The following AURKA variants were observed in gnomAD, a reference collection of about 807,000 sequenced individuals.
The protein encoded by AURKA is aurora kinase A, also known as aurora 2.
In AURKA, 12 loss-of-function variants were observed where a neutral mutation model predicts 40.9. The observed-to-expected ratio is 0.29, with a 90% CI of 0.19 to 0.48. The LOEUF is 0.48. Ranked by LOEUF, AURKA falls within the 20% of genes least tolerant of loss-of-function variation. The pLI, the probability that AURKA is intolerant of heterozygous loss-of-function variation, is 0.99. For missense variants in AURKA, 322 were observed against 462.1 expected, an observed-to-expected ratio of 0.70 and a Z score of 2.78; for synonymous variants, 170 against 164.3, an observed-to-expected ratio of 1.03 and a Z score of -0.26.
intron 7 of AURKA, among the ~76,000 whole-genome samples, chr20:56,372,549 AAAAAAG>A (rs1158421676): frequency 6.6e-6 from 1 of 151,994 alleles, no homozygotes; most frequent in Admixed American, 6.5e-5. Flanking sequence ...AAAAAAAAAA[AAAAAAG>A]ACTGCAATAG....
intron 6 of AURKA, among the ~76,000 whole-genome samples, chr20:56,378,655 T>G (rs1985274481): frequency 6.6e-6 from 1 of 152,114 alleles, no homozygotes; most frequent in African/African-American, 2.4e-5. Context: ...ACGAATAAAC[T>G]GAGGTACTTC....
At chr20:56,374,016 T>TACAC (rs11467339) in intron 6 of AURKA, among the ~76,000 whole-genome samples, 2,596 of 147,590 alleles carry the variant, frequency 0.018, 72 homozygotes, top group Admixed American at 0.074. Flanking sequence ...TATAGGAGTC[T>TACAC]ACACACACAC....
At chr20:56,372,171 G>C (rs1297493242) in intron 7 of AURKA, among the ~76,000 whole-genome samples, 1 of 148,190 alleles carries the variant, frequency 6.7e-6, no homozygotes, top group African/African-American at 2.7e-5. Context: ...CACAGCCCTG[G>C]TGCTGTGTTC....
In AURKA at chr20:56,383,098, T is replaced by C. The variant is rs1985932563; in HGVS notation, c.453A>G (p.Arg151=). ...CCAGAATAAACTTGCTTTGCTTTTC[T>C]CTTGCCAAATAAACATTACCAAACT... The part of the protein sequence containing the change: ...KGKFGNVYLA[R]EKQSKFILAL... Residue 151 remains arginine (R), a synonymous_variant, in exon 5 of 9, where the codon AGA becomes AGG. Transcript: ENST00000395915. The C allele has an allele frequency of 1.2e-6, 2 of 1,614,258 alleles. No homozygotes were observed. Among genetic ancestry groups the C allele is most frequent in the Non-Finnish European group, 1.7e-6 (2 of 1,180,048 alleles).
In AURKA at chr20:56,369,861, A is replaced by C. The variant is rs182111018; in HGVS notation, c.*297T>G. The C allele has an allele frequency of 1.9e-4, 97 of 500,164 alleles. No individual in the cohort carries two copies. The highest frequency in any genetic ancestry group is 1.7e-3 in the African/African-American group (88 of 52,458). The allele number at this position is 500,164 out of a possible 1,614,324, so 31.0% of individuals were successfully genotyped here. A position where few individuals can be genotyped will look rare whatever the true frequency, so the allele number is the denominator to read the frequency against. ...CCAGGCTCTGGATTTGCCTCCTGTG[A>C]AGACACCATGCCTAGCACAGGCTGA... is the stretch of plus-strand genomic sequence containing the variant. On this transcript the variant is annotated 3_prime_UTR_variant, in exon 9 of 9. Coordinates refer to ENST00000395915, the MANE Select transcript of AURKA (RefSeq NM_198437.3).
At position 56,370,495 on chromosome 20, in the gene AURKA, C is replaced by G. The variant is rs1181878456; in HGVS notation, c.1019G>C (p.Arg340Thr). The G allele has an allele frequency of 3.7e-6, 6 of 1,614,210 alleles. No homozygotes were observed. Among genetic ancestry groups the G allele is most frequent in the Non-Finnish European group, 1.7e-6 (2 of 1,180,048 alleles). The change falls in exon 8 of 9, where the codon AGA becomes ACA. Residue 340 changes from arginine to threonine, a missense_variant. Transcript: ENST00000395915. ...TCAGTTGCGTCTTACCCGTGATATT[C>G]TTTTGTAGGTCTCTTGGTATGTGTT... ...EANTYQETYK[R>T]ISRVEFTFPD...
rs1379855479 is a variant in AURKA, at chr20:56,369,736, G to A, written c.*422C>T. 8 of 362,778 alleles carry A rather than the reference G, an allele frequency of 2.2e-5. No individual in the cohort carries two copies. Among genetic ancestry groups the A allele is most frequent in the Non-Finnish European group, 3.6e-5 (7 of 193,680 alleles). The allele number at this position is 362,778 out of a possible 1,614,324, so 22.5% of individuals were successfully genotyped here. On this transcript the variant is annotated 3_prime_UTR_variant, in exon 9 of 9. Transcript: ENST00000395915. ...CATTCCAACAGCTTTACCAGGCTTC[G>A]CCAACCCAATAAGTTACACACTCAC...
At position 56,381,500 on chromosome 20, in the gene AURKA, G is replaced by C. The variant is rs972895205; in HGVS notation, c.638C>G (p.Ala213Gly). The change falls in exon 6 of 9, where the codon GCA (alanine) becomes GGA (glycine). Residue 213 changes from alanine to glycine, a missense_variant. By Grantham distance (60) the Ala-to-Gly change is moderately conservative. Coordinates refer to ENST00000395915, the MANE Select transcript of AURKA (RefSeq NM_198437.3). ...TTCTCTATAAACTGTTCCAAGTGGT[G>C]CATATTCCAGAATTAGGTAGACTCT... The part of the protein sequence containing the change: ...ATRVYLILEY[A>G]PLGTVYRELQ... The C allele has an allele frequency of 1.9e-6, 3 of 1,613,848 alleles. No individual in the cohort carries two copies. The Admixed American group carries it at 5.0e-5, about 27-fold the overall frequency.
At chr20:56,370,846 C>G (rs1399125148) in intron 7 of AURKA, among the ~76,000 whole-genome samples, 187 bp from the exon 8 acceptor site, 1 of 152,220 alleles carries the variant, frequency 6.6e-6, no homozygotes, top group East Asian at 1.9e-4. Flanking sequence ...GGTCACACAG[C>G]TAGCCATCAG....
intron 8 of AURKA, 65 bp downstream of exon 8, chr20:56,370,420 G>C (rs779504898): frequency 6.2e-7 from 1 of 1,613,698 alleles, no homozygotes; most frequent in Non-Finnish European, 8.5e-7. Flanking sequence ...ATCTTGGCCT[G>C]CAGTTCAGGC....
In AURKA at chr20:56,373,435, C is replaced by T; in HGVS notation, c.827G>A (p.Gly276Glu). ...GGAAGATGGAGCATGTACTGACCAC[C>T]CAAAATCTGCAATTTTAAGCTCTCC... ...SAGELKIADF[G>E]WSVHAPSSRR... The change falls in exon 7 of 9, where the codon GGG becomes GAG. Residue 276 changes from glycine (G) to glutamate (E), a missense_variant. By Grantham distance (98) the Gly-to-Glu change is moderately conservative. Transcript: ENST00000395915. This position sits in a 1 kb window ranked among gnomAD's most constrained non-coding sequence, Gnocchi z 5.0. The T allele has an allele frequency of 6.2e-7, 1 of 1,613,932 alleles. No individual in the cohort carries two copies. The highest frequency in any genetic ancestry group is 8.5e-7 in the Non-Finnish European group (1 of 1,180,034).
At chr20:56,385,914 C>A (rs1986301007) in intron 3 of AURKA, among the ~76,000 whole-genome samples, 1 of 152,318 alleles carries the variant, frequency 6.6e-6, no homozygotes, top group African/African-American at 2.4e-5. Flanking sequence ...TCACCCACTT[C>A]TCTGGATTTC....
chr20:56,382,104 C>T (rs1191515962), intron 5 of AURKA, among the ~76,000 whole-genome samples: 2 of 149,928 alleles, frequency 1.3e-5, no homozygotes, highest in Non-Finnish European at 2.9e-5. Context: ...GCAGAGGTTG[C>T]AGTGAGCTGA....
chr20:56,384,852 C>A (rs988695583), intron 3 of AURKA, among the ~76,000 whole-genome samples: 3 of 152,178 alleles, frequency 2.0e-5, no homozygotes, highest in African/African-American at 7.2e-5. Flanking sequence ...AACAGTTGTG[C>A]AGCAGAGGAC....
intron 6 of AURKA, among the ~76,000 whole-genome samples, chr20:56,374,736 G>A (rs530167834): frequency 3.9e-4 from 60 of 151,928 alleles, no homozygotes; most frequent in Non-Finnish European, 7.9e-4. Flanking sequence ...GCACCCGACC[G>A]AATTACCATC....
At chr20:56,386,128 A>G in intron 3 of AURKA, 129 bp downstream of exon 3, 3 of 1,343,188 alleles carry the variant, frequency 2.2e-6, no homozygotes, top group Non-Finnish European at 3.2e-6. Flanking sequence ...CCCAGACACC[A>G]TATTTTCTCC....
intron 7 of AURKA, among the ~76,000 whole-genome samples, chr20:56,371,629 A>G (rs180959429): frequency 1.3e-5 from 2 of 148,544 alleles, no homozygotes; most frequent in Middle Eastern, 3.5e-3. Context: ...AGACAATCCA[A>G]CCACAGAGAC....
intron 7 of AURKA, among the ~76,000 whole-genome samples, chr20:56,372,037 G>A (rs527507449): frequency 5.9e-5 from 9 of 152,162 alleles, no homozygotes; most frequent in Non-Finnish European, 1.0e-4. Context: ...CATTTTTATC[G>A]GTTTAGGTTT....
chr20:56,381,829 C>A (rs1038419508), intron 5 of AURKA, among the ~76,000 whole-genome samples: 2 of 152,066 alleles, frequency 1.3e-5, no homozygotes, highest in Non-Finnish European at 2.9e-5. Context: ...CACCTTTATT[C>A]TTAGGAGGAA....
Sources: gnomAD v4.1 joint callset for allele counts (sites outside exome capture counted in the v4.1 genomes callset) on GRCh38, gnomAD v4.1.1 for gene constraint, Gnocchi (gnomAD v3.1) non-coding constraint, MANE v1.5 for transcripts, NCBI Gene and HGNC (gene_info 2026-07-23, HGNC 2026-07-21) for gene names.